Variants in ZCCHC14 observed in about 807,000 individuals in gnomAD.
ZCCHC14 encodes the protein zinc finger CCHC domain-containing protein 14.
In ZCCHC14, 16 loss-of-function variants were observed where a neutral mutation model predicts 85.0. The observed-to-expected ratio is 0.19, with a 90% CI of 0.13 to 0.29. ZCCHC14 has a LOEUF of 0.29. ZCCHC14 is among the 10% of genes least tolerant of loss of function. The probability of loss-of-function intolerance (pLI) is 1.00; values close to 1 mark genes in which losing one functional copy is unlikely to be tolerated. For missense variants in ZCCHC14, 1,303 were observed against 1,443.5 expected, an observed-to-expected ratio of 0.90 and a Z score of 1.58; for synonymous variants, 775 against 630.7, an observed-to-expected ratio of 1.23 and a Z score of -3.43.
Position 87,411,819 on chromosome 16 carries a change from A to G in ZCCHC14, c.2902T>C (p.Cys968Arg). ...TGGGCGCTGACGTAGCCGCTGCTGC[A>G]CATGGGACTGAAGGGCAAGAAGGGG... ...TFPFLPFSPMCSSGYVSAQQY... is the reference protein window; with the variant it reads ...TFPFLPFSPMRSSGYVSAQQY... Residue 968 changes from cysteine to arginine, a missense_variant, in exon 12 of 13, where the codon TGC (cysteine) becomes CGC (arginine). Physicochemically the swap from Cys to Arg is radical, Grantham distance 180. Coordinates refer to ENST00000671377, the MANE Select transcript of ZCCHC14 (RefSeq NM_015144.3). 2.5e-6 allele frequency: 4 copies of G among 1,611,770 alleles called. No homozygotes were observed. The highest frequency in any genetic ancestry group is 3.4e-6 in the Non-Finnish European group (4 of 1,179,174).
chr16:87,488,961 G>A (rs1260254479), intron 1 of ZCCHC14, among the ~76,000 whole-genome samples: 1 of 132,774 alleles, frequency 7.5e-6, no homozygotes, highest in African/African-American at 3.6e-5. Flanking sequence ...AAGTCTCTAA[G>A]CTCAAAGAGT....
chr16:87,459,285 C>G (rs568077416), intron 2 of ZCCHC14, among the ~76,000 whole-genome samples: 15 of 152,126 alleles, frequency 9.9e-5, no homozygotes, highest in African/African-American at 3.6e-4. Context: ...CAACACCGCT[C>G]TAGTGGTTAA....
At chr16:87,479,978 G>A (rs1029112795) in intron 1 of ZCCHC14, among the ~76,000 whole-genome samples, 1 of 151,376 alleles carries the variant, frequency 6.6e-6, no homozygotes, top group Non-Finnish European at 1.5e-5. Flanking sequence ...GTTTCGCCAT[G>A]TTGCCAGGCT....
chr16:87,451,070 T>C (rs1910676529), intron 2 of ZCCHC14, among the ~76,000 whole-genome samples: 2 of 149,864 alleles, frequency 1.3e-5, no homozygotes, highest in Non-Finnish European at 3.0e-5. Context: ...GGCTAATTTT[T>C]TGTATTTTTA....
chr16:87,445,304 A>T (rs1472541418), intron 2 of ZCCHC14, among the ~76,000 whole-genome samples: 1 of 152,080 alleles, frequency 6.6e-6, no homozygotes, highest in Non-Finnish European at 1.5e-5. Flanking sequence ...TGACCTCATG[A>T]TCCACCCACC....
At chr16:87,453,760 T>A (rs980109523) in intron 2 of ZCCHC14, among the ~76,000 whole-genome samples, 2 of 152,164 alleles carry the variant, frequency 1.3e-5, no homozygotes, top group African/African-American at 2.4e-5. Context: ...AATGGCACAA[T>A]CTAGAATTAG....
rs769416913 is a variant in ZCCHC14, at chr16:87,477,120, C to CAAA, written c.570+14546_570+14548dup. Among the ~76,000 whole-genome samples, 75 of 40,462 alleles carry CAAA rather than the reference C, an allele frequency of 1.9e-3. 1 individual carries two copies. Among genetic ancestry groups the CAAA allele is most frequent in the African/African-American group, 7.2e-3 (50 of 6,960 alleles). The allele number at this position is 40,462 out of a possible 152,430, so 26.5% of individuals were successfully genotyped here. ...AGCCTGACAGAGAGAGACTCAGTCT[C>CAAA]AAAAAAAAAAAAAAAAAAAAACAAA... On this transcript the variant is annotated intron_variant, in intron 1 of 12. Coordinates refer to ENST00000671377, the MANE Select transcript of ZCCHC14 (RefSeq NM_015144.3).
intron 1 of ZCCHC14, among the ~76,000 whole-genome samples, chr16:87,460,351 C>T (rs77214902): frequency 1.3e-5 from 2 of 152,124 alleles, no homozygotes; most frequent in Admixed American, 6.6e-5. Flanking sequence ...CAAACACGGG[C>T]GCTTACGTCT....
rs1207389134 is a variant in ZCCHC14, at chr16:87,492,756, G to A, written c.-518C>T. 3 of 146,472 alleles carry A rather than the reference G, an allele frequency of 2.0e-5. No homozygotes were observed. Among genetic ancestry groups the A allele is most frequent in the Non-Finnish European group, 3.0e-5 (2 of 65,882 alleles). 9.1% of individuals were successfully genotyped at this position (146,472 alleles called of 1,614,324 possible). A position where few individuals can be genotyped will look rare whatever the true frequency, so the allele number is the denominator to read the frequency against. On this transcript the variant is annotated 5_prime_UTR_variant, in exon 1 of 13. Transcript: ENST00000671377. The surrounding 1 kb of genome is among the most constrained non-coding windows in gnomAD (Gnocchi z 6.7). The stretch of plus-strand genomic sequence containing the variant: ...CAGGCCGGCCGTTACCCCGGGCCGC[G>A]GGCGCGGCGTCGCCGCCTGGGGAGC...
chr16:87,425,942 A>C (rs564548828), intron 3 of ZCCHC14, among the ~76,000 whole-genome samples: 1 of 152,382 alleles, frequency 6.6e-6, no homozygotes, highest in East Asian at 1.9e-4. Flanking sequence ...TCTTATGTTG[A>C]AACAGACAAT....
At chr16:87,446,469 G>A (rs1260120654) in intron 2 of ZCCHC14, among the ~76,000 whole-genome samples, 3 of 130,098 alleles carry the variant, frequency 2.3e-5, no homozygotes, top group East Asian at 4.2e-4. Flanking sequence ...GGGCGACAGA[G>A]GGAGACTCCA....
At chr16:87,426,251 G>C (rs1034094541) in intron 3 of ZCCHC14, among the ~76,000 whole-genome samples, 23 of 152,224 alleles carry the variant, frequency 1.5e-4, no homozygotes, top group Non-Finnish European at 7.3e-5. Context: ...AGAGGGGCAT[G>C]GGGGCGGGAA....
At chr16:87,443,102 G>C (rs1482252120) in intron 2 of ZCCHC14, among the ~76,000 whole-genome samples, 1 of 152,198 alleles carries the variant, frequency 6.6e-6, no homozygotes, top group Non-Finnish European at 1.5e-5. Context: ...TTCCGCTTTT[G>C]AGTTGTTCAA....
chr16:87,485,590 C>CAAAAAAAA (rs35083614), intron 1 of ZCCHC14, among the ~76,000 whole-genome samples: 2 of 98,648 alleles, frequency 2.0e-5, no homozygotes, highest in African/African-American at 6.3e-5. Flanking sequence ...GGCAGTTTTC[C>CAAAAAAAA]AAAAAAAAAA....
chr16:87,410,757 T>C (rs1168192419), intron 12 of ZCCHC14, among the ~76,000 whole-genome samples: 1 of 152,178 alleles, frequency 6.6e-6, no homozygotes, highest in Non-Finnish European at 1.5e-5. Context: ...TCAACCCACC[T>C]TGCCTGCAGG....
chr16:87,441,773 T>G (rs1461532567), intron 2 of ZCCHC14, among the ~76,000 whole-genome samples: 1 of 152,228 alleles, frequency 6.6e-6, no homozygotes, highest in Non-Finnish European at 1.5e-5. Flanking sequence ...TTCCTCTTAC[T>G]TTTTTGGGGC....
Position 87,411,978 on chromosome 16 carries a change from G to T in ZCCHC14, c.2743C>A (p.Pro915Thr). 1 of 1,606,728 alleles carries T rather than the reference G, an allele frequency of 6.2e-7. No individual in the cohort carries two copies. ...ATGCAGCCTGGCGGGGGTGGGGCGG[G>T]CTGCGGGGGTGCCGGGGGCTGCTGA... ...HHQQPPAPPQPAPPPPGCIVC... is the reference protein window; with the variant it reads ...HHQQPPAPPQTAPPPPGCIVC... The change falls in exon 12 of 13, where the codon CCC (proline) becomes ACC (threonine). Residue 915 changes from proline (P) to threonine (T), a missense_variant. Physicochemically the swap from Pro to Thr is conservative, Grantham distance 38. Coordinates refer to ENST00000671377, the MANE Select transcript of ZCCHC14 (RefSeq NM_015144.3).
At chr16:87,438,793 G>C (rs911645860) in intron 2 of ZCCHC14, among the ~76,000 whole-genome samples, 1 of 152,106 alleles carries the variant, frequency 6.6e-6, no homozygotes, top group East Asian at 1.9e-4. Flanking sequence ...CGTCGGCACT[G>C]CCCCGGTCTT....
intron 2 of ZCCHC14, among the ~76,000 whole-genome samples, chr16:87,446,675 C>G (rs913579018): frequency 2.0e-5 from 3 of 152,054 alleles, no homozygotes; most frequent in Non-Finnish European, 4.4e-5. Context: ...TGGTTTATAG[C>G]TGAGGTCAGC....
Sources: allele counts gnomAD v4.1 joint callset (sites outside exome capture counted in the v4.1 genomes callset), GRCh38; gene constraint gnomAD v4.1.1; non-coding constraint Gnocchi (gnomAD v3.1); transcripts MANE v1.5; gene names NCBI Gene and HGNC (gene_info 2026-07-23, HGNC 2026-07-21).